Variants in LRBA observed in about 807,000 individuals in gnomAD.
LRBA encodes the protein LPS responsive beige-like anchor protein, also known as lipopolysaccharide-responsive and beige-like anchor protein.
In LRBA, 176 loss-of-function variants were observed where a neutral mutation model predicts 330.0. The ratio of observed to expected loss-of-function variants is 0.53; its 90% CI spans 0.47 to 0.60. LRBA has a LOEUF of 0.60. Among genes scored for constraint, LRBA ranks in the 20% least tolerant of loss-of-function variants. LRBA has a pLI of 0.00. For missense variants in LRBA, 3,259 were observed against 3,444.8 expected (o/e 0.95, Z 1.35); for synonymous variants, 1,230 against 1,193.0 (o/e 1.03, Z -0.64).
At chr4:150,694,223 T>G (rs1784410759) in intron 36 of LRBA, among the ~76,000 whole-genome samples, 1 of 152,062 alleles carries the variant, frequency 6.6e-6, no homozygotes, top group Non-Finnish European at 1.5e-5. Flanking sequence ...TTCTTTTACA[T>G]GGCTACAAAC....
intron 2 of LRBA, among the ~76,000 whole-genome samples, chr4:150,934,735 A>G (rs894554726): frequency 1.3e-5 from 2 of 151,898 alleles, no homozygotes; most frequent in African/African-American, 4.8e-5. Context: ...TAGGCCGGGC[A>G]CAGTGGCTCA....
intron 34 of LRBA, among the ~76,000 whole-genome samples, chr4:150,772,196 T>C (rs1046411607): frequency 1.3e-5 from 2 of 152,130 alleles, no homozygotes; most frequent in African/African-American, 4.8e-5. Flanking sequence ...CTACAGTCCA[T>C]CAGGGATGTC....
At chr4:150,668,494 T>A (rs537647762) in intron 37 of LRBA, among the ~76,000 whole-genome samples, 101 of 152,218 alleles carry the variant, frequency 6.6e-4, no homozygotes, top group Non-Finnish European at 3.7e-4. Context: ...ATTATCCATG[T>A]GGCCTAAATC....
intron 33 of LRBA, among the ~76,000 whole-genome samples, chr4:150,798,677 A>G (rs1162150503): frequency 1.3e-5 from 2 of 152,142 alleles, no homozygotes; most frequent in African/African-American, 4.8e-5. Flanking sequence ...TATATTCTTG[A>G]TTTCTTATAA....
At chr4:150,446,471 G>T (rs574717875) in intron 44 of LRBA, among the ~76,000 whole-genome samples, 2 of 152,316 alleles carry the variant, frequency 1.3e-5, no homozygotes, top group South Asian at 4.1e-4. Flanking sequence ...GCTGGTAAAT[G>T]TTGATAACGC....
At chr4:150,368,430 A>C (rs1384524029) in intron 47 of LRBA, among the ~76,000 whole-genome samples, 2 of 152,208 alleles carry the variant, frequency 1.3e-5, no homozygotes, top group Non-Finnish European at 1.5e-5. Flanking sequence ...TGGACAGCAC[A>C]TACAGAGTAC....
intron 47 of LRBA, among the ~76,000 whole-genome samples, chr4:150,386,350 A>G (rs1482924327): frequency 2.6e-5 from 4 of 152,116 alleles, no homozygotes; most frequent in Admixed American, 6.5e-5. Flanking sequence ...TATAGTATAT[A>G]TTAGTGACCC....
intron 42 of LRBA, among the ~76,000 whole-genome samples, chr4:150,479,275 C>A (rs1287927097): frequency 1.3e-5 from 2 of 151,714 alleles, no homozygotes; most frequent in East Asian, 3.9e-4. Context: ...CAAGACCCTG[C>A]CTTTAAAAAA....
intron 28 of LRBA, among the ~76,000 whole-genome samples, chr4:150,835,162 A>G (rs1340944525): frequency 6.6e-6 from 1 of 152,120 alleles, no homozygotes; most frequent in African/African-American, 2.4e-5. Context: ...CCGTTGGTCT[A>G]TATCTCTGTT....
intron 44 of LRBA, among the ~76,000 whole-genome samples, chr4:150,454,160 C>T (rs762648152): frequency 5.9e-5 from 9 of 152,054 alleles, no homozygotes; most frequent in Admixed American, 1.3e-4. Context: ...AGGGTTTTAC[C>T]ATGTTGGCCA....
At chr4:150,488,343 A>G (rs1758136885) in intron 41 of LRBA, among the ~76,000 whole-genome samples, 1 of 151,388 alleles carries the variant, frequency 6.6e-6, no homozygotes, top group Non-Finnish European at 1.5e-5. Flanking sequence ...GTTTTAAAAC[A>G]GTCTTTTTAC....
intron 36 of LRBA, among the ~76,000 whole-genome samples, chr4:150,722,772 G>A (rs532032308): frequency 6.6e-6 from 1 of 151,962 alleles, no homozygotes; most frequent in South Asian, 2.1e-4. Flanking sequence ...CACAGTACTT[G>A]TTTTTAACTT....
At chr4:150,869,877 A>C (rs562813233) in intron 20 of LRBA, among the ~76,000 whole-genome samples, 11 of 152,314 alleles carry the variant, frequency 7.2e-5, no homozygotes, top group Non-Finnish European at 1.3e-4. Flanking sequence ...CAACATAGGC[A>C]AAATAATGAC....
chr4:150,407,601 A>G (rs1746380665), intron 47 of LRBA, among the ~76,000 whole-genome samples: 1 of 152,196 alleles, frequency 6.6e-6, no homozygotes, highest in African/African-American at 2.4e-5. Context: ...TAACATGAAG[A>G]ATTCTCCTAT....
chr4:150,710,896 G>C (rs1479672396), intron 36 of LRBA, among the ~76,000 whole-genome samples: 1 of 151,764 alleles, frequency 6.6e-6, no homozygotes, highest in African/African-American at 2.4e-5. Context: ...AGTTCGGTTG[G>C]CTAAAGGATA....
chr4:150,837,791 A>G (rs1429287467), intron 28 of LRBA, among the ~76,000 whole-genome samples: 47 of 149,702 alleles, frequency 3.1e-4, no homozygotes, highest in Admixed American at 5.4e-4. Flanking sequence ...GCCCATTTAC[A>G]TTTAAAGTTA....
chr4:150,400,563 A>C (rs1182992551), intron 47 of LRBA, among the ~76,000 whole-genome samples: 1 of 152,208 alleles, frequency 6.6e-6, no homozygotes, highest in Non-Finnish European at 1.5e-5. Context: ...GTTTCAAAGA[A>C]CATTTTGAGG....
At chr4:150,270,715 T>C (rs1490058776) in intron 56 of LRBA, among the ~76,000 whole-genome samples, 2 of 152,152 alleles carry the variant, frequency 1.3e-5, no homozygotes, top group African/African-American at 4.8e-5. Flanking sequence ...AATGAGTGAC[T>C]ATACGTTAAG....
At chr4:150,694,523 G>C (rs1226150080) in intron 36 of LRBA, among the ~76,000 whole-genome samples, 1 of 95,252 alleles carries the variant, frequency 1.0e-5, no homozygotes, top group East Asian at 3.5e-4. Context: ...ACAGAAAAAT[G>C]AAAGCTTAGA....
Sources: gnomAD v4.1 joint callset for allele counts (sites outside exome capture counted in the v4.1 genomes callset) on GRCh38, gnomAD v4.1.1 for gene constraint, MANE v1.5 for transcripts, NCBI Gene and HGNC (gene_info 2026-07-23, HGNC 2026-07-21) for gene names.